The following IFT88 variants were observed in gnomAD, a reference collection of about 807,000 sequenced individuals.
IFT88 encodes intraflagellar transport protein 88 homolog.
IFT88 carries 74 observed loss-of-function variants against 119.5 expected under a neutral mutation model. That is an observed-to-expected ratio of 0.62 (90% CI 0.51 to 0.75). The LOEUF (loss-of-function observed/expected upper bound fraction) is 0.75. Among genes scored for constraint, IFT88 ranks in the 30% least tolerant of loss-of-function variants. IFT88 has a pLI of 0.00. For synonymous variants in IFT88, 279 were observed against 316.7 expected (o/e 0.88, Z 1.26); for missense variants, 961 against 977.7 (o/e 0.98, Z 0.23).
intron 22 of IFT88, among the ~76,000 whole-genome samples, chr13:20,661,626 T>C: frequency 6.6e-6 from 1 of 151,644 alleles, no homozygotes; most frequent in East Asian, 1.9e-4. Context: ...TCCCAGCTAC[T>C]CAGGAGGCTG....
intron 25 of IFT88, 28 bp downstream of exon 25, chr13:20,690,843 GGCATA>G: frequency 6.6e-7 from 1 of 1,521,532 alleles, no homozygotes; most frequent in East Asian, 2.2e-5. Flanking sequence ...AGTTCCTCCA[GGCATA>G]GCAGGTCTGA....
At chr13:20,643,423 A>T in intron 18 of IFT88, 32 bp from the exon 19 acceptor site, 1 of 1,549,090 alleles carries the variant, frequency 6.5e-7, no homozygotes, top group Non-Finnish European at 8.7e-7. Context: ...TGAATTTAGA[A>T]AACATGTTTT....
chr13:20,689,720 C>A (rs1479307622), intron 24 of IFT88, among the ~76,000 whole-genome samples: 1 of 151,952 alleles, frequency 6.6e-6, no homozygotes, highest in Admixed American at 6.6e-5. Flanking sequence ...TTATCTTAAA[C>A]CTTTTTGGAG....
chr13:20,654,013 A>G (rs1746136644), intron 21 of IFT88, 85 bp downstream of exon 21: 3 of 675,582 alleles, frequency 4.4e-6, no homozygotes, highest in Admixed American at 2.9e-5. Flanking sequence ...ATCCAGTTGC[A>G]TATCTGTTTA....
rs182075320 is a variant in IFT88 at position 20,651,492 on chromosome 13, C to T, written c.1950-2384C>T. ...TCAGTTTATGATAGTCAAAAGTAGC[C>T]TCAGCATTATTTATAGTAGCGAAAA... On this transcript the variant is annotated intron_variant, in intron 20 of 25. Transcript: ENST00000351808. 4.0e-5 allele frequency among the ~76,000 whole-genome samples: 6 copies of T among 149,456 alleles called. No individual in the cohort carries two copies. In the East Asian group the frequency reaches 9.9e-4, roughly 25 times the overall value.
At chr13:20,630,066 G>A (rs938569065) in intron 15 of IFT88, among the ~76,000 whole-genome samples, 1 of 152,000 alleles carries the variant, frequency 6.6e-6, no homozygotes, top group African/African-American at 2.4e-5. Flanking sequence ...ATTATATTTG[G>A]ATCTACTTTA....
chr13:20,670,912 C>A lies in IFT88; in HGVS notation c.2176-61C>A, dbSNP rs1423555380. ...TGTTAATTTTAAAATCCACCTTTAT[C>A]TATATTCAACTTTGAAGGAATAGCA... On this transcript the variant is annotated intron_variant, in intron 23 of 25. Transcript: ENST00000351808. 6 of 1,405,700 alleles carry A rather than the reference C, an allele frequency of 4.3e-6. No homozygotes were observed. In the African/African-American group the frequency reaches 8.6e-5, roughly 20 times the overall value. 87.1% of individuals were successfully genotyped at this position (1,405,700 alleles called of 1,614,324 possible).
intron 12 of IFT88, among the ~76,000 whole-genome samples, chr13:20,602,720 C>A (rs188041016): frequency 6.6e-6 from 1 of 151,814 alleles, no homozygotes; most frequent in Non-Finnish European, 1.5e-5. Context: ...CTGTCTCTAC[C>A]GAAAATACAA....
At chr13:20,662,006 G>T (rs76682256) in intron 22 of IFT88, among the ~76,000 whole-genome samples, 1 of 152,132 alleles carries the variant, frequency 6.6e-6, no homozygotes, top group African/African-American at 2.4e-5. Context: ...TACCTAAATC[G>T]TACAGCAGGA....
intron 2 of IFT88, among the ~76,000 whole-genome samples, chr13:20,575,993 A>G (rs1206448922): frequency 2.0e-5 from 3 of 152,200 alleles, no homozygotes; most frequent in Non-Finnish European, 4.4e-5. Flanking sequence ...CTAACAGTAT[A>G]TGAGGGTTCC....
chr13:20,653,839 T>G, intron 20 of IFT88, 37 bp from the exon 21 acceptor site: 1 of 1,242,572 alleles, frequency 8.0e-7, no homozygotes, highest in Non-Finnish European at 1.1e-6. Flanking sequence ...CACAGATTTT[T>G]TTATCTCTAA....
At chr13:20,599,394 ATATC>A (rs977814788) in intron 10 of IFT88, 53 bp from the exon 11 acceptor site, 1 of 627,678 alleles carries the variant, frequency 1.6e-6, no homozygotes, top group Admixed American at 3.2e-5. Flanking sequence ...GTCATCTAAA[ATATC>A]AAAGAGTGGA....
intron 24 of IFT88, among the ~76,000 whole-genome samples, chr13:20,679,966 A>G (rs552109080): frequency 8.5e-4 from 129 of 152,310 alleles, no homozygotes; most frequent in South Asian, 1.7e-3. Context: ...CTACAGATTG[A>G]GAGGTGAGCC....
chr13:20,656,355 T>A lies in IFT88; in HGVS notation c.2003-10T>A, dbSNP rs1292196817. The A allele has an allele frequency of 7.7e-7, 1 of 1,296,310 alleles. No homozygotes were observed. The highest frequency in any genetic ancestry group is 1.1e-6 in the Non-Finnish European group (1 of 935,008). 80.3% of individuals were successfully genotyped at this position (1,296,310 alleles called of 1,614,324 possible). ...ATTTGCTAATATATTTTTCTCTTGTTTGTTTATAGGTAACTACCAAAAAGC... is the reference window on the plus strand; with the variant it reads ...ATTTGCTAATATATTTTTCTCTTGTATGTTTATAGGTAACTACCAAAAAGC... On this transcript the variant is annotated splice_polypyrimidine_tract_variant and intron_variant, in intron 21 of 25. Coordinates refer to ENST00000351808, the MANE Select transcript of IFT88 (RefSeq NM_006531.5).
At chr13:20,646,348 G>T (rs1278272009) in intron 20 of IFT88, among the ~76,000 whole-genome samples, 1 of 151,300 alleles carries the variant, frequency 6.6e-6, no homozygotes, top group Non-Finnish European at 1.5e-5. Context: ...TGTCGCCCAG[G>T]CTGGAGTGCA....
At chr13:20,635,145 C>T (rs928970837) in intron 16 of IFT88, among the ~76,000 whole-genome samples, 1 of 152,088 alleles carries the variant, frequency 6.6e-6, no homozygotes, top group Non-Finnish European at 1.5e-5. Flanking sequence ...TTTTTTATGG[C>T]TGCATAGTAT....
At chr13:20,606,534 G>A (rs551451834) in intron 13 of IFT88, among the ~76,000 whole-genome samples, 8 of 152,250 alleles carry the variant, frequency 5.3e-5, no homozygotes, top group Admixed American at 2.6e-4. Flanking sequence ...CAGCTAAAAC[G>A]ATACTTAAAA....
intron 14 of IFT88, among the ~76,000 whole-genome samples, 190 bp from the exon 15 acceptor site, chr13:20,625,560 G>A (rs2047162974): frequency 6.6e-6 from 1 of 152,082 alleles, no homozygotes. Context: ...ATGATAAATT[G>A]GATAAGAAAA....
chr13:20,601,607 A>G, intron 11 of IFT88, 98 bp from the exon 12 acceptor site: 1 of 694,450 alleles, frequency 1.4e-6, no homozygotes, highest in South Asian at 2.2e-5. Context: ...AAAACGAAGT[A>G]AAGTGGGAGA....
Sources: allele counts gnomAD v4.1 joint callset (sites outside exome capture counted in the v4.1 genomes callset), GRCh38; gene constraint gnomAD v4.1.1; transcripts MANE v1.5; gene names NCBI Gene and HGNC (gene_info 2026-07-23, HGNC 2026-07-21).